The following ELP2 variants were observed in gnomAD, a reference collection of about 807,000 sequenced individuals.
ELP2 encodes the protein elongator complex protein 2.
In ELP2, 90 loss-of-function variants were observed where a neutral mutation model predicts 119.2. The ratio of observed to expected loss-of-function variants is 0.75; its 90% CI spans 0.64 to 0.90. The LOEUF (loss-of-function observed/expected upper bound fraction) is 0.90. ELP2 is among the 40% of genes least tolerant of loss of function. ELP2 has a pLI of 0.00. For missense variants in ELP2, 921 were observed against 967.8 expected, an observed-to-expected ratio of 0.95 and a Z score of 0.64; for synonymous variants, 339 against 331.0, an observed-to-expected ratio of 1.02 and a Z score of -0.26.
intron 18 of ELP2, chr18:36,165,308 T>C (rs2090862789): frequency 6.6e-6 from 1 of 152,174 alleles, no homozygotes; most frequent in Non-Finnish European, 1.5e-5. Flanking sequence ...AAAACCTTTG[T>C]GTAGTTGGGT....
chr18:36,144,624 CTG>C (rs1342840599), intron 8 of ELP2, among the ~76,000 whole-genome samples: 1 of 152,164 alleles, frequency 6.6e-6, no homozygotes, highest in Non-Finnish European at 1.5e-5. Context: ...GCTGGCATGA[CTG>C]TTTTTCCTTC....
chr18:36,158,851 CAGA>C lies in ELP2; in HGVS notation c.1484_1486del (p.Glu495del). The C allele has an allele frequency of 6.2e-7, 1 of 1,606,132 alleles. No individual in the cohort carries two copies. The highest frequency in any genetic ancestry group is 8.5e-7 in the Non-Finnish European group (1 of 1,172,838). On this transcript the variant is annotated inframe_deletion, in exon 14 of 22. Coordinates refer to ENST00000358232, the MANE Select transcript of ELP2 (RefSeq NM_018255.4). ...CTATTCTAGCAAGATAGTGATCTTC[CAGA>C]AGGAGCCACTGTCCCTGCATTGGGA...
At chr18:36,148,735 G>C (rs2144671103) in intron 11 of ELP2, among the ~76,000 whole-genome samples, 1 of 152,278 alleles carries the variant, frequency 6.6e-6, no homozygotes, top group Middle Eastern at 3.4e-3. Context: ...GCAGCCCTGG[G>C]TATCGTTGCA....
At chr18:36,172,433 A>G (rs887386106) in intron 21 of ELP2, among the ~76,000 whole-genome samples, 14 of 152,186 alleles carry the variant, frequency 9.2e-5, no homozygotes, top group Admixed American at 4.6e-4. Context: ...TTTGTGAGCA[A>G]TGTCTTAAGA....
At chr18:36,169,576 C>T (rs1970663) in intron 19 of ELP2, among the ~76,000 whole-genome samples, 55,744 of 151,710 alleles carry the variant, frequency 0.37, 10,354 homozygotes, top group Middle Eastern at 0.45. Flanking sequence ...TTAGTAGAGA[C>T]GGGGTTTCAC....
chr18:36,166,002 C>T (rs543933588), intron 18 of ELP2, among the ~76,000 whole-genome samples: 156 of 151,814 alleles, frequency 1.0e-3, no homozygotes, highest in African/African-American at 3.6e-3. Flanking sequence ...CCAGCCTGGC[C>T]AATATGGTGA....
intron 9 of ELP2, 77 bp from the exon 10 acceptor site, chr18:36,145,871 T>C (rs1253126959): frequency 8.3e-7 from 1 of 1,207,932 alleles, no homozygotes; most frequent in Non-Finnish European, 1.2e-6. Flanking sequence ...GTACCCATGT[T>C]GTTTGTTGTT....
At chr18:36,138,595 A>G (rs970223484) in intron 4 of ELP2, 169 bp downstream of exon 4, 2 of 914,188 alleles carry the variant, frequency 2.2e-6, no homozygotes, top group Admixed American at 2.5e-5. Flanking sequence ...CTATACCAAG[A>G]CTTTTTCATG....
In ELP2 at chr18:36,164,469, C is replaced by T; in HGVS notation, c.1762-6C>T. ...CTAGCTTCATTGTTTCATCTCTGTC[C>T]TATAGGCAGCTAAGAAAGAGCATGC... On this transcript the variant is annotated splice_polypyrimidine_tract_variant and splice_region_variant and intron_variant, in intron 17 of 21. Transcript: ENST00000358232. 1 of 1,612,850 alleles carries T rather than the reference C, an allele frequency of 6.2e-7. No individual in the cohort carries two copies. The highest frequency in any genetic ancestry group is 8.5e-7 in the Non-Finnish European group (1 of 1,178,934).
intron 17 of ELP2, among the ~76,000 whole-genome samples, chr18:36,163,984 C>T (rs1428170043): frequency 6.6e-6 from 1 of 152,140 alleles, no homozygotes; most frequent in Non-Finnish European, 1.5e-5. Context: ...CATTGATTCT[C>T]TAGATCAATT....
In ELP2 at chr18:36,177,874, A is replaced by G. The variant is rs1230970605; in HGVS notation, c.*3233A>G. 1 of 152,214 alleles carries G rather than the reference A, an allele frequency of 6.6e-6. No homozygotes were observed. Among genetic ancestry groups the G allele is most frequent in the Non-Finnish European group, 1.5e-5 (1 of 68,036 alleles). The allele number at this position is 152,214 out of a possible 1,614,324, so 9.4% of individuals were successfully genotyped here. A position where few individuals can be genotyped will look rare whatever the true frequency, so the allele number is the denominator to read the frequency against. On this transcript the variant is annotated 3_prime_UTR_variant, in exon 22 of 22. Coordinates refer to ENST00000358232, the MANE Select transcript of ELP2 (RefSeq NM_018255.4). The stretch of plus-strand genomic sequence containing the variant: ...GTCTGGCTCATAGCATTTCACAAAC[A>G]TTATACTTCAGAGTCCCAAAGCCTT...
At chr18:36,133,708 TTTTA>T (rs1161064778) in intron 2 of ELP2, among the ~76,000 whole-genome samples, 19 of 141,912 alleles carry the variant, frequency 1.3e-4, no homozygotes, top group Non-Finnish European at 3.0e-5. Flanking sequence ...TTCTTTTTTC[TTTTA>T]TTTACTTATT....
chr18:36,168,913 CTTTTTTTTTT>C (rs61459855), intron 19 of ELP2, among the ~76,000 whole-genome samples: 1 of 69,258 alleles, frequency 1.4e-5, no homozygotes, highest in African/African-American at 6.1e-5. Context: ...CTCTCCATTT[CTTTTTTTTTT>C]TTTTTTTTTT....
At chr18:36,151,742 GTTTTT>G (rs71166098) in intron 11 of ELP2, among the ~76,000 whole-genome samples, 1 of 109,828 alleles carries the variant, frequency 9.1e-6, no homozygotes, top group Non-Finnish European at 1.8e-5. Flanking sequence ...GTTCTGTTCT[GTTTTT>G]TTTTTTTTTT....
rs2090838700 is a variant in ELP2 at position 36,164,610 on chromosome 18, T to G, written c.1897T>G (p.Ser633Ala). 2.5e-6 allele frequency: 4 copies of G among 1,614,126 alleles called. No homozygotes were observed. The highest frequency in any genetic ancestry group is 3.4e-6 in the Non-Finnish European group (4 of 1,180,000). The change falls in exon 18 of 22, where the codon TCC becomes GCC. Residue 633 changes from serine (S) to alanine (A), a missense_variant. Ser to Ala is a moderately conservative substitution (Grantham distance 99). Transcript: ENST00000358232. ...SPNEKFLLAVSRDRTWSLWKK... is the reference protein window; with the variant it reads ...SPNEKFLLAVARDRTWSLWKK... The stretch of plus-strand genomic sequence containing the variant: ...TAATGAGAAGTTCTTACTAGCTGTT[T>G]CCAGAGATCGAACCTGGTCATTGTG...
chr18:36,176,544 A>C lies in ELP2; in HGVS notation c.*1903A>C, dbSNP rs573675712. 1 of 152,172 alleles carries C rather than the reference A, an allele frequency of 6.6e-6. No homozygotes were observed. Among genetic ancestry groups the C allele is most frequent in the Non-Finnish European group, 1.5e-5 (1 of 68,052 alleles). 9.4% of individuals were successfully genotyped at this position (152,172 alleles called of 1,614,324 possible). A position where few individuals can be genotyped will look rare whatever the true frequency, so the allele number is the denominator to read the frequency against. ...CTTGCCTAGAGAGACTGAGTTTTCA[A>C]GTTGTCAGTTTTCCCAAATTGTCCT... On this transcript the variant is annotated 3_prime_UTR_variant, in exon 22 of 22. Coordinates refer to ENST00000358232, the MANE Select transcript of ELP2 (RefSeq NM_018255.4).
chr18:36,145,270 C>G (rs1163476719), intron 9 of ELP2: 5 of 477,900 alleles, frequency 1.0e-5, no homozygotes, highest in Non-Finnish European at 1.9e-5. Context: ...AACTACCACA[C>G]CCCCAGTAAC....
intron 17 of ELP2, among the ~76,000 whole-genome samples, chr18:36,163,272 G>GA (rs2090793612): frequency 2.0e-5 from 3 of 148,584 alleles, no homozygotes; most frequent in Non-Finnish European, 4.5e-5. Context: ...GTAGTTCATG[G>GA]GGGGTGTGTG....
intron 2 of ELP2, among the ~76,000 whole-genome samples, chr18:36,135,857 T>C (rs930639537): frequency 2.6e-5 from 4 of 152,192 alleles, no homozygotes; most frequent in East Asian, 1.9e-4. Flanking sequence ...TAAAGGAGAC[T>C]AAAAAGATTT....
Sources: gnomAD v4.1 joint callset for allele counts (sites outside exome capture counted in the v4.1 genomes callset) on GRCh38, gnomAD v4.1.1 for gene constraint, MANE v1.5 for transcripts, NCBI Gene and HGNC (gene_info 2026-07-23, HGNC 2026-07-21) for gene names.